The following BANP variants were observed in gnomAD, a reference collection of about 807,000 sequenced individuals.
The protein encoded by BANP is BTG3 associated nuclear protein, also known as protein BANP.
A neutral mutation model predicts 68.1 loss-of-function variants in BANP; 11 were observed. The observed-to-expected ratio is 0.16, with a 90% CI of 0.10 to 0.27. The LOEUF is 0.27. BANP is among the 10% of genes least tolerant of loss of function. The pLI is 1.00. For synonymous variants in BANP, 329 were observed against 303.2 expected (o/e 1.09, Z -0.88); for missense variants, 504 against 722.7 (o/e 0.70, Z 3.47).
chr16:87,969,861 G>A (rs1210280820), intron 1 of BANP, among the ~76,000 whole-genome samples: 1 of 150,046 alleles, frequency 6.7e-6, no homozygotes, highest in Admixed American at 6.6e-5. Flanking sequence ...GTTTTTCTGT[G>A]AATTCATTTT....
At chr16:87,998,334 A>G (rs1255534013) in intron 4 of BANP, among the ~76,000 whole-genome samples, 1 of 152,232 alleles carries the variant, frequency 6.6e-6, no homozygotes, top group African/African-American at 2.4e-5. Context: ...TGTCTGTCAC[A>G]GGGGGACTTT....
rs112025505 is a variant in BANP, at chr16:87,974,724, G to C, written c.-68-324G>C. On this transcript the variant is annotated intron_variant, in intron 1 of 13. Coordinates refer to ENST00000682872, the MANE Select transcript of BANP (RefSeq NM_001386991.1). ...TGCTGTAGTCAGTCAGGCCCCACTGGAGACTTGGGCTGAGGGAGAGGACGT... is the reference window on the plus strand; with the variant it reads ...TGCTGTAGTCAGTCAGGCCCCACTGCAGACTTGGGCTGAGGGAGAGGACGT... Among the ~76,000 whole-genome samples, 717 of 152,248 alleles carry C rather than the reference G, an allele frequency of 4.7e-3. 8 individuals are homozygous for C. Among genetic ancestry groups the C allele is most frequent in the African/African-American group, 0.016 (650 of 41,530 alleles).
intron 11 of BANP, among the ~76,000 whole-genome samples, chr16:88,062,057 C>A (rs1218417181): frequency 6.6e-6 from 1 of 152,198 alleles, no homozygotes; most frequent in Non-Finnish European, 1.5e-5. Context: ...CATACCTTAA[C>A]AAGTTGGATT....
At chr16:88,009,113 T>C (rs560210015) in intron 6 of BANP, among the ~76,000 whole-genome samples, 58 of 152,330 alleles carry the variant, frequency 3.8e-4, no homozygotes, top group African/African-American at 1.4e-3. Flanking sequence ...TCAGATTTAA[T>C]CTCAGCCCGT....
chr16:87,951,185 C>T (rs2056772889), upstream of BANP, among the ~76,000 whole-genome samples: 1 of 152,252 alleles, frequency 6.6e-6, no homozygotes, highest in Admixed American at 6.5e-5. Flanking sequence ...CTCAGACCGT[C>T]CACTGAGGTG....
chr16:87,974,905 G>A, intron 1 of BANP, 143 bp from the exon 2 acceptor site: 1 of 563,186 alleles, frequency 1.8e-6, no homozygotes, highest in Non-Finnish European at 3.2e-6. Context: ...CCTTTTGGGG[G>A]TTTGAGGCAA....
intron 1 of BANP, among the ~76,000 whole-genome samples, chr16:87,964,386 A>C (rs535070477): frequency 7.7e-4 from 117 of 152,378 alleles, no homozygotes; most frequent in African/African-American, 2.6e-3. Context: ...GTAGTAAGTC[A>C]GACAGTAGAG....
At chr16:88,031,147 G>A (rs1254497101) in intron 8 of BANP, among the ~76,000 whole-genome samples, 1 of 152,244 alleles carries the variant, frequency 6.6e-6, no homozygotes, top group Non-Finnish European at 1.5e-5. Flanking sequence ...CCGCCGTGGA[G>A]CACGCAGCAC....
chr16:88,002,975 C>T lies in BANP; in HGVS notation c.363-1320C>T, dbSNP rs866613014. Reference sequence around the variant, plus strand: ...CCCACATGCTGTGAGCCTAGGATCCCGGGGCCACCAGTGTTCCATAGCCTC... The same window carrying T: ...CCCACATGCTGTGAGCCTAGGATCCTGGGGCCACCAGTGTTCCATAGCCTC... On this transcript the variant is annotated intron_variant, in intron 4 of 13. Transcript: ENST00000682872. The surrounding 1 kb of genome is among the most constrained non-coding windows in gnomAD (Gnocchi z 4.6). Among the ~76,000 whole-genome samples the T allele has an allele frequency of 4.6e-5, 7 of 152,102 alleles. No individual in the cohort carries two copies. The highest frequency in any genetic ancestry group is 1.2e-4 in the African/African-American group (5 of 41,410).
At chr16:88,026,445 C>T (rs116559416) in intron 7 of BANP, among the ~76,000 whole-genome samples, 2,151 of 152,314 alleles carry the variant, frequency 0.014, 57 homozygotes, top group African/African-American at 0.05. Flanking sequence ...AGCCACTGTG[C>T]GCCAGAATGT....
chr16:88,011,340 C>T (rs1451138601), intron 6 of BANP, among the ~76,000 whole-genome samples: 9 of 152,016 alleles, frequency 5.9e-5, no homozygotes, highest in South Asian at 4.1e-4. Context: ...TGAGACCAGA[C>T]GCCTGGAGAG....
At chr16:88,039,534 A>G (rs1308681135) in intron 11 of BANP, among the ~76,000 whole-genome samples, 1 of 143,614 alleles carries the variant, frequency 7.0e-6, no homozygotes, top group Admixed American at 7.1e-5. Flanking sequence ...CACCTTCGAC[A>G]TTCCCTTGTT....
intron 3 of BANP, among the ~76,000 whole-genome samples, chr16:87,982,458 A>T (rs2063461928): frequency 6.6e-6 from 1 of 152,230 alleles, no homozygotes. Context: ...GGTTGTTGAA[A>T]ATAGCGGCGT....
At chr16:88,037,859 G>C in intron 10 of BANP, 114 bp from the exon 11 acceptor site, 1 of 1,025,738 alleles carries the variant, frequency 9.7e-7, no homozygotes, top group South Asian at 1.3e-5. Context: ...TGCAGAACTG[G>C]GGTTTTCTTG....
chr16:88,073,867 C>G (rs201779295), intron 13 of BANP, among the ~76,000 whole-genome samples: 1 of 152,256 alleles, frequency 6.6e-6, no homozygotes, highest in East Asian at 1.9e-4. Context: ...CCTGTAAGCT[C>G]TCTCTGTTAC....
chr16:87,983,567 G>A (rs1380874232), intron 3 of BANP, among the ~76,000 whole-genome samples: 2 of 152,090 alleles, frequency 1.3e-5, no homozygotes, highest in South Asian at 2.1e-4. Flanking sequence ...CCGCTCAAGA[G>A]CCCCACGGGA....
In BANP at chr16:88,004,419, G is replaced by GCA; in HGVS notation, c.479+10_479+11dup. 4.1e-6 allele frequency: 6 copies of GCA among 1,445,990 alleles called. No homozygotes were observed. Among genetic ancestry groups the GCA allele is most frequent in the Non-Finnish European group, 5.7e-6 (6 of 1,058,358 alleles). The allele number at this position is 1,445,990 out of a possible 1,614,324, so 89.6% of individuals were successfully genotyped here. ...GGAAAATGTCATTAGCAAGTCAGTAGCACGGCACCAACCCCACCTTTCCCT... is the reference window on the plus strand; with the variant it reads ...GGAAAATGTCATTAGCAAGTCAGTAGCACACGGCACCAACCCCACCTTTCCCT... On this transcript the variant is annotated intron_variant, in intron 5 of 13. Coordinates refer to ENST00000682872, the MANE Select transcript of BANP (RefSeq NM_001386991.1). This position sits in a 1 kb window ranked among gnomAD's most constrained non-coding sequence, Gnocchi z 7.0.
Position 88,004,630 on chromosome 16 carries a change from C to T in BANP, c.479+219C>T, listed in dbSNP as rs968052763. Among the ~76,000 whole-genome samples, 1 of 152,114 alleles carries T rather than the reference C, an allele frequency of 6.6e-6. No individual in the cohort carries two copies. The highest frequency in any genetic ancestry group is 1.5e-5 in the Non-Finnish European group (1 of 68,010). On this transcript the variant is annotated intron_variant, in intron 5 of 13. Transcript: ENST00000682872. The surrounding 1 kb of genome is among the most constrained non-coding windows in gnomAD (Gnocchi z 7.0). ...CAGCCACACCAGGGGCAGCTGCCGC[C>T]GGGGACTTCTGTGTCTCGTGCTGGC...
chr16:87,998,254 C>T (rs761575177), intron 4 of BANP, among the ~76,000 whole-genome samples: 18 of 152,108 alleles, frequency 1.2e-4, no homozygotes, highest in African/African-American at 3.4e-4. Context: ...ATAGTAAGGA[C>T]GTGGCAAAAT....
Sources: allele counts gnomAD v4.1 joint callset (sites outside exome capture counted in the v4.1 genomes callset), GRCh38; gene constraint gnomAD v4.1.1; non-coding constraint Gnocchi (gnomAD v3.1); transcripts MANE v1.5; gene names NCBI Gene and HGNC (gene_info 2026-07-23, HGNC 2026-07-21).